The following CR1L variants were observed in gnomAD, a reference collection of about 807,000 sequenced individuals.
CR1L encodes complement C3b/C4b receptor 1 like, also known as complement component receptor 1-like protein.
Under a neutral mutation model 62.3 loss-of-function variants are expected in CR1L, and 59 were observed. That is an observed-to-expected ratio of 0.95 (90% CI 0.77 to 1.18). The LOEUF (loss-of-function observed/expected upper bound fraction) is 1.18, where lower values mean the gene tolerates loss of function less well. CR1L is among the 50% of genes most tolerant of loss of function. The probability of loss-of-function intolerance (pLI) is 0.00; values close to 1 mark genes in which losing one functional copy is unlikely to be tolerated. For synonymous variants in CR1L, 279 were observed against 248.7 expected, an observed-to-expected ratio of 1.12 and a Z score of -1.15; for missense variants, 700 against 702.8, an observed-to-expected ratio of 1.00 and a Z score of 0.04.
chr1:207,697,440 G>C, intron 5 of CR1L, 63 bp from the exon 6 acceptor site: 1 of 1,612,428 alleles, frequency 6.2e-7, no homozygotes, highest in Admixed American at 1.7e-5. Flanking sequence ...CCCTTGGCCA[G>C]TTTAACAGTG....
At chr1:207,668,830 C>T (rs1457071937) in intron 1 of CR1L, among the ~76,000 whole-genome samples, 2 of 151,056 alleles carry the variant, frequency 1.3e-5, no homozygotes, top group East Asian at 3.8e-4. Flanking sequence ...AGCTCCCTGG[C>T]TGGTCTCCCC....
intron 10 of CR1L, among the ~76,000 whole-genome samples, chr1:207,713,232 A>G (rs1664389760): frequency 6.6e-6 from 1 of 152,180 alleles, no homozygotes; most frequent in Non-Finnish European, 1.5e-5. Flanking sequence ...AGGCAAAAGA[A>G]CATAATTTTA....
intron 10 of CR1L, among the ~76,000 whole-genome samples, chr1:207,714,426 A>T (rs1489053387): frequency 2.2e-4 from 34 of 152,098 alleles, no homozygotes; most frequent in Non-Finnish European, 4.3e-4. Flanking sequence ...CAGTCCATGG[A>T]TTTACCTGGA....
At position 207,664,470 on chromosome 1, in the gene CR1L, T is replaced by C. The variant is rs558402161; in HGVS notation, c.98-12919T>C. Among the ~76,000 whole-genome samples the C allele has an allele frequency of 4.6e-5, 7 of 152,340 alleles. No homozygotes were observed. In the East Asian group the frequency reaches 1.3e-3, roughly 29 times the overall value. On this transcript the variant is annotated intron_variant, in intron 1 of 11. Transcript: ENST00000508064. ...TTAACTGGTAGCCTCCTTAGTTGAGTCCTGTAGGTTTTGAGGGGCAGGAAG... is the reference window on the plus strand; with the variant it reads ...TTAACTGGTAGCCTCCTTAGTTGAGCCCTGTAGGTTTTGAGGGGCAGGAAG...
Position 207,717,566 on chromosome 1 carries a change from C to G in CR1L, c.1517C>G (p.Pro506Arg). 1 of 1,613,878 alleles carries G rather than the reference C, an allele frequency of 6.2e-7. No individual in the cohort carries two copies. The highest frequency in any genetic ancestry group is 1.1e-5 in the South Asian group (1 of 91,074). Residue 506 changes from proline (P) to arginine (R), a missense_variant, in exon 11 of 12, where the codon CCC becomes CGC. Coordinates refer to ENST00000508064, the MANE Select transcript of CR1L (RefSeq NM_175710.2). ...AAAGAAGTATCTTACACATGTGACC[C>G]CCACCCAGACAGAGGGATGACCTTC... is the stretch of plus-strand genomic sequence containing the variant. Reference protein sequence around the residue: ...YGKEVSYTCDPHPDRGMTFNL... With the variant: ...YGKEVSYTCDRHPDRGMTFNL...
chr1:207,701,457 C>A (rs1571528925), intron 8 of CR1L, 62 bp from the exon 9 acceptor site: 1 of 1,597,376 alleles, frequency 6.3e-7, no homozygotes, highest in East Asian at 2.2e-5. Flanking sequence ...AGGTTGAGAC[C>A]TTACGTACTG....
intron 4 of CR1L, among the ~76,000 whole-genome samples, chr1:207,689,653 T>A (rs1213966507): frequency 6.6e-6 from 1 of 152,134 alleles, no homozygotes; most frequent in Non-Finnish European, 1.5e-5. Context: ...TTTATTTTTT[T>A]CTAGTCTCCG....
At position 207,698,984 on chromosome 1, in the gene CR1L, A is replaced by G. The variant is rs903717635; in HGVS notation, c.1143-205A>G. On this transcript the variant is annotated intron_variant, in intron 7 of 11. Transcript: ENST00000508064. ...CTTTTTCAATTCAAGCAGGACTATC[A>G]TGTGACCAAGCTACTGCATTTTGCC... Among the ~76,000 whole-genome samples the G allele has an allele frequency of 5.3e-4, 81 of 152,186 alleles. 5 individuals carry two copies. The highest frequency in any genetic ancestry group is 2.9e-5 in the Non-Finnish European group (2 of 68,028).
chr1:207,699,372 T>C (rs1664157504), intron 8 of CR1L, 98 bp downstream of exon 8: 1 of 1,422,678 alleles, frequency 7.0e-7, no homozygotes, highest in Non-Finnish European at 9.7e-7. Flanking sequence ...AATTTTCTAA[T>C]CTGAATTATT....
chr1:207,667,903 C>T (rs1034171281), intron 1 of CR1L, among the ~76,000 whole-genome samples: 3 of 150,980 alleles, frequency 2.0e-5, no homozygotes, highest in South Asian at 4.2e-4. Flanking sequence ...AAATGGCCAA[C>T]GAATATAAAA....
At chr1:207,675,713 A>G (rs1268637922) in intron 1 of CR1L, among the ~76,000 whole-genome samples, 3 of 152,218 alleles carry the variant, frequency 2.0e-5, no homozygotes, top group African/African-American at 4.8e-5. Flanking sequence ...CAAAACAAAC[A>G]AGATATTTCC....
chr1:207,692,076 A>G (rs1664005971), intron 4 of CR1L, among the ~76,000 whole-genome samples: 1 of 152,184 alleles, frequency 6.6e-6, no homozygotes. Flanking sequence ...GCCACATTTG[A>G]TTGGCCAAAA....
intron 1 of CR1L, among the ~76,000 whole-genome samples, chr1:207,662,288 C>A (rs1284257636): frequency 1.3e-5 from 2 of 152,230 alleles, no homozygotes; most frequent in African/African-American, 4.8e-5. Flanking sequence ...GTACACCAAT[C>A]AGACGTAGAT....
At chr1:207,655,630 G>T (rs77923586) in intron 1 of CR1L, among the ~76,000 whole-genome samples, 1 of 152,008 alleles carries the variant, frequency 6.6e-6, no homozygotes. Context: ...TAGAGACGTG[G>T]TTTTGCCATG....
At chr1:207,694,859 G>A (rs1407211615) in intron 5 of CR1L, 108 bp downstream of exon 5, 33 of 1,557,974 alleles carry the variant, frequency 2.1e-5, no homozygotes, top group Non-Finnish European at 2.7e-5. Flanking sequence ...GCAGGGTCGA[G>A]AAGCAAATTT....
intron 10 of CR1L, among the ~76,000 whole-genome samples, chr1:207,711,965 G>C (rs985363608): frequency 6.6e-6 from 1 of 152,092 alleles, no homozygotes; most frequent in Non-Finnish European, 1.5e-5. Flanking sequence ...GGGCTTACAG[G>C]AGTATAAATA....
chr1:207,703,969 A>T (rs1273236590), intron 9 of CR1L, among the ~76,000 whole-genome samples: 3 of 148,646 alleles, frequency 2.0e-5, no homozygotes, highest in African/African-American at 7.4e-5. Flanking sequence ...AAAGAAAAAG[A>T]AAAGAAAAGG....
intron 1 of CR1L, among the ~76,000 whole-genome samples, chr1:207,652,249 G>A (rs1558009673): frequency 6.6e-6 from 1 of 152,314 alleles, no homozygotes; most frequent in East Asian, 1.9e-4. Context: ...TTAGAAAAAT[G>A]TGGAGAAAGA....
intron 1 of CR1L, among the ~76,000 whole-genome samples, chr1:207,663,575 G>T (rs2102447649): frequency 6.6e-6 from 1 of 152,228 alleles, no homozygotes; most frequent in East Asian, 1.9e-4. Context: ...GGAATTCCCT[G>T]ACCCCTTGTG....
Sources: allele counts gnomAD v4.1 joint callset (sites outside exome capture counted in the v4.1 genomes callset), GRCh38; gene constraint gnomAD v4.1.1; transcripts MANE v1.5; gene names NCBI Gene and HGNC (gene_info 2026-07-23, HGNC 2026-07-21).